PLGRKT: variants seen among roughly 807,000 people sequenced by gnomAD.
PLGRKT encodes the protein plasminogen receptor (KT).
In PLGRKT, 22 loss-of-function variants were observed where a neutral mutation model predicts 18.5. The observed-to-expected ratio is 1.19, with a 90% CI of 0.85 to 1.70. PLGRKT has a LOEUF of 1.70. Ranked by LOEUF, PLGRKT falls within the 40% of genes most tolerant of loss-of-function variation. The pLI is 0.00. For missense variants in PLGRKT, 235 were observed against 174.4 expected (o/e 1.35, Z -1.96); for synonymous variants, 72 against 52.8 (o/e 1.36, Z -1.58).
At chr9:5,421,683 G>C (rs191675070) in intron 3 of PLGRKT, among the ~76,000 whole-genome samples, 2 of 152,270 alleles carry the variant, frequency 1.3e-5, no homozygotes, top group East Asian at 3.9e-4. Flanking sequence ...CTTGTATGTG[G>C]GACATCTCAC....
intron 3 of PLGRKT, among the ~76,000 whole-genome samples, chr9:5,381,058 T>C (rs973930044): frequency 2.6e-5 from 4 of 152,356 alleles, no homozygotes; most frequent in Non-Finnish European, 4.4e-5. Flanking sequence ...GCCATGATTG[T>C]AAGTTTCCTG....
chr9:5,389,214 T>G (rs959343640), intron 3 of PLGRKT, among the ~76,000 whole-genome samples: 1 of 151,832 alleles, frequency 6.6e-6, no homozygotes, highest in South Asian at 2.1e-4. Context: ...CAGGCAACAG[T>G]GAAAAATAGT....
At chr9:5,424,514 C>A (rs961505415) in intron 3 of PLGRKT, among the ~76,000 whole-genome samples, 15 of 107,218 alleles carry the variant, frequency 1.4e-4, no homozygotes, top group African/African-American at 5.7e-4. Context: ...TAATATATAA[C>A]ATATAAATAT....
intron 3 of PLGRKT, among the ~76,000 whole-genome samples, chr9:5,394,464 G>A (rs1477097432): frequency 6.6e-6 from 1 of 151,916 alleles, no homozygotes; most frequent in African/African-American, 2.4e-5. Context: ...CCAGGCTGGA[G>A]TGCAATGGCG....
chr9:5,424,568 AAT>A (rs1169835127), intron 3 of PLGRKT, among the ~76,000 whole-genome samples: 8 of 134,262 alleles, frequency 6.0e-5, no homozygotes, highest in East Asian at 4.0e-4. Flanking sequence ...AATACAATAT[AAT>A]ATATATTACT....
At chr9:5,414,559 G>T (rs1818423437) in intron 3 of PLGRKT, among the ~76,000 whole-genome samples, 1 of 152,176 alleles carries the variant, frequency 6.6e-6, no homozygotes, top group African/African-American at 2.4e-5. Context: ...GATGTGGAGA[G>T]AATATAAATT....
chr9:5,370,494 T>C (rs1054822293), intron 3 of PLGRKT, among the ~76,000 whole-genome samples: 1 of 152,222 alleles, frequency 6.6e-6, no homozygotes, highest in Non-Finnish European at 1.5e-5. Flanking sequence ...TTAGGCCAAC[T>C]CTGAGAAACA....
intron 3 of PLGRKT, among the ~76,000 whole-genome samples, chr9:5,381,181 A>G (rs1348821932): frequency 6.6e-6 from 1 of 152,228 alleles, no homozygotes; most frequent in Non-Finnish European, 1.5e-5. Context: ...GGGAGTTTGG[A>G]GCCAAATGTT....
chr9:5,365,029 C>T (rs1022058981), intron 3 of PLGRKT, among the ~76,000 whole-genome samples: 17 of 152,122 alleles, frequency 1.1e-4, no homozygotes, highest in African/African-American at 4.1e-4. Context: ...TCAGCTCTGT[C>T]CACTGACAGG....
intron 3 of PLGRKT, among the ~76,000 whole-genome samples, chr9:5,375,768 A>C (rs1219194113): frequency 6.6e-6 from 1 of 152,244 alleles, no homozygotes; most frequent in Non-Finnish European, 1.5e-5. Context: ...AAAATGATGC[A>C]GTTGCTGTGG....
intron 3 of PLGRKT, among the ~76,000 whole-genome samples, chr9:5,393,150 T>C (rs1179018533): frequency 6.6e-6 from 1 of 151,878 alleles, no homozygotes; most frequent in Non-Finnish European, 1.5e-5. Context: ...CCAAAATTTC[T>C]GGATTTTAAA....
At chr9:5,435,581 T>A (rs1223718293) in intron 2 of PLGRKT, among the ~76,000 whole-genome samples, 1 of 152,250 alleles carries the variant, frequency 6.6e-6, no homozygotes, top group African/African-American at 2.4e-5. Context: ...GAATGCACAG[T>A]AGTGTCTATC....
intron 3 of PLGRKT, among the ~76,000 whole-genome samples, chr9:5,384,433 T>C (rs908628626): frequency 6.6e-6 from 1 of 152,214 alleles, no homozygotes; most frequent in Admixed American, 6.5e-5. Context: ...CAGTAGTGCA[T>C]GCTATATATC....
In PLGRKT at chr9:5,427,758, C is replaced by T. The variant is rs75383060; in HGVS notation, c.81+4139G>A. 2.6e-4 allele frequency among the ~76,000 whole-genome samples: 40 copies of T among 152,208 alleles called. No homozygotes were observed. The East Asian group carries it at 7.5e-3, about 29-fold the overall frequency. ...TTACATGCCCTGATAGTTTTGGTGG[C>T]AAATGTGAGATGCTCATAGAAATAT... On this transcript the variant is annotated intron_variant, in intron 3 of 5. Transcript: ENST00000223864.
chr9:5,394,441 C>T (rs1317302437), intron 3 of PLGRKT, among the ~76,000 whole-genome samples: 1 of 152,016 alleles, frequency 6.6e-6, no homozygotes, highest in East Asian at 1.9e-4. Context: ...GAGAAGGAGT[C>T]TCGCTGTGTT....
In PLGRKT at chr9:5,358,200, A is replaced by G. The variant is rs1817179695; in HGVS notation, c.*39T>C. On this transcript the variant is annotated 3_prime_UTR_variant, in exon 6 of 6. Coordinates refer to ENST00000223864, the MANE Select transcript of PLGRKT (RefSeq NM_018465.4). The stretch of plus-strand genomic sequence containing the variant: ...ACTGTAAAAACCATGATTCAAGTCA[A>G]TAATTCTGTGCTTTGAGATTTGATT... 4 of 1,523,188 alleles carry G rather than the reference A, an allele frequency of 2.6e-6. No homozygotes were observed. The highest frequency in any genetic ancestry group is 3.6e-6 in the Non-Finnish European group (4 of 1,108,928). 94.4% of individuals were successfully genotyped at this position (1,523,188 alleles called of 1,614,324 possible). A position where few individuals can be genotyped will look rare whatever the true frequency, so the allele number is the denominator to read the frequency against.
intron 3 of PLGRKT, among the ~76,000 whole-genome samples, chr9:5,373,290 G>C (rs79162397): frequency 2.0e-5 from 3 of 152,252 alleles, no homozygotes; most frequent in East Asian, 1.9e-4. Context: ...CTGAAATTAA[G>C]CCTTCCATGG....
chr9:5,405,954 G>A (rs897731527), intron 3 of PLGRKT, among the ~76,000 whole-genome samples: 3 of 152,120 alleles, frequency 2.0e-5, no homozygotes, highest in Admixed American at 6.5e-5. Context: ...CAAAGGATAT[G>A]AACAGACACT....
intron 3 of PLGRKT, among the ~76,000 whole-genome samples, chr9:5,362,343 T>C (rs1377027647): frequency 2.0e-5 from 3 of 152,204 alleles, no homozygotes; most frequent in African/African-American, 7.2e-5. Context: ...CACAATATCA[T>C]AGTAGATGGG....
Sources: gnomAD v4.1 joint callset for allele counts (sites outside exome capture counted in the v4.1 genomes callset) on GRCh38, gnomAD v4.1.1 for gene constraint, MANE v1.5 for transcripts, NCBI Gene and HGNC (gene_info 2026-07-23, HGNC 2026-07-21) for gene names.